The following IGF1R variants were observed in gnomAD, a reference collection of about 807,000 sequenced individuals.
IGF1R encodes insulin like growth factor 1 receptor.
A neutral mutation model predicts 144.6 loss-of-function variants in IGF1R; 44 were observed. The observed-to-expected ratio is 0.30, with a 90% CI of 0.24 to 0.39. The LOEUF is 0.39. Among genes scored for constraint, IGF1R ranks in the 10% least tolerant of loss-of-function variants. IGF1R has a pLI of 1.00. For synonymous variants in IGF1R, 795 were observed against 722.8 expected, an observed-to-expected ratio of 1.10 and a Z score of -1.60; for missense variants, 1,355 against 1,833.7, an observed-to-expected ratio of 0.74 and a Z score of 4.77.
chr15:98,957,366 G>T lies in IGF1R; in HGVS notation c.4028G>T (p.Arg1343Ile), dbSNP rs745531890. The T allele has an allele frequency of 5.9e-5, 95 of 1,612,592 alleles. No individual in the cohort carries two copies. The highest frequency in any genetic ancestry group is 8.1e-5 in the Non-Finnish European group (95 of 1,179,302). ...GTCCTCCGCGCCAGCTTCGACGAGAGACAGCCTTACGCCCACATGAACGGG... is the reference window on the plus strand; with the variant it reads ...GTCCTCCGCGCCAGCTTCGACGAGATACAGCCTTACGCCCACATGAACGGG... ...VLVLRASFDE[R>I]QPYAHMNGGR... The change falls in exon 21 of 21, where the codon AGA becomes ATA. Residue 1343 changes from arginine to isoleucine, a missense_variant. Arg to Ile is a moderately conservative substitution (Grantham distance 97). Around this residue, in one of 7 missense-constraint regions of IGF1R, gnomAD observed 219 missense variants for 188.8 expected, o/e 1.16. Transcript: ENST00000650285.
chr15:98,813,926 C>T (rs1273117464), intron 2 of IGF1R, among the ~76,000 whole-genome samples: 1 of 152,192 alleles, frequency 6.6e-6, no homozygotes. Context: ...GAGAAAATAA[C>T]AATGACTGTC....
chr15:98,875,922 A>C (rs1250249784), intron 2 of IGF1R, among the ~76,000 whole-genome samples: 1 of 152,166 alleles, frequency 6.6e-6, no homozygotes, highest in Non-Finnish European at 1.5e-5. Flanking sequence ...CTGAAGGGAA[A>C]GCCCTTGAAT....
chr15:98,682,882 T>A (rs1488623390), intron 1 of IGF1R, among the ~76,000 whole-genome samples: 2 of 152,022 alleles, frequency 1.3e-5, no homozygotes, highest in Non-Finnish European at 2.9e-5. Context: ...CTGTCTTATT[T>A]GGGTCTCAAA....
chr15:98,755,975 A>G (rs2055145810), intron 2 of IGF1R, among the ~76,000 whole-genome samples: 1 of 152,080 alleles, frequency 6.6e-6, no homozygotes, highest in Non-Finnish European at 1.5e-5. Context: ...CGTTGATTAG[A>G]TTTCCCAATA....
chr15:98,784,209 A>G (rs2055931917), intron 2 of IGF1R, among the ~76,000 whole-genome samples: 1 of 151,948 alleles, frequency 6.6e-6, no homozygotes, highest in Non-Finnish European at 1.5e-5. Flanking sequence ...TGCTGGGATT[A>G]CAGGCGTGAG....
At position 98,891,214 on chromosome 15, in the gene IGF1R, G is replaced by T; in HGVS notation, c.641-111G>T. On this transcript the variant is annotated intron_variant, in intron 2 of 20. Transcript: ENST00000650285. The surrounding 1 kb of genome is among the most constrained non-coding windows in gnomAD (Gnocchi z 4.7). ...TTTTTGCATTGTCTCCTCAATGAGT[G>T]ATCTGGTGCTGGTGGTAGCAGTGAA... The T allele has an allele frequency of 1.0e-6, 1 of 955,600 alleles. No homozygotes were observed. Among genetic ancestry groups the T allele is most frequent in the Non-Finnish European group, 1.6e-6 (1 of 615,548 alleles). 59.2% of individuals were successfully genotyped at this position (955,600 alleles called of 1,614,324 possible).
chr15:98,843,576 AT>A, intron 2 of IGF1R, among the ~76,000 whole-genome samples: 1 of 152,286 alleles, frequency 6.6e-6, no homozygotes, highest in South Asian at 2.1e-4. Context: ...TTTTTAAAAT[AT>A]TTTAAAATCT....
chr15:98,920,013 C>G (rs1433774824), intron 10 of IGF1R, among the ~76,000 whole-genome samples: 1 of 152,202 alleles, frequency 6.6e-6, no homozygotes, highest in Non-Finnish European at 1.5e-5. Flanking sequence ...GTAAAACTTA[C>G]TAGTTTCTGA....
At chr15:98,849,043 A>T (rs2011447778) in intron 2 of IGF1R, among the ~76,000 whole-genome samples, 1 of 152,136 alleles carries the variant, frequency 6.6e-6, no homozygotes, top group Non-Finnish European at 1.5e-5. Flanking sequence ...AATACAACAG[A>T]TTTTTTTCTT....
chr15:98,799,808 G>GC (rs138536677), intron 2 of IGF1R, among the ~76,000 whole-genome samples: 3,750 of 152,194 alleles, frequency 0.025, 159 homozygotes, highest in African/African-American at 0.085. Context: ...CCCTCCACCT[G>GC]CCCCCCTTCA....
chr15:98,740,040 A>G (rs760304186), intron 2 of IGF1R, among the ~76,000 whole-genome samples: 4 of 152,206 alleles, frequency 2.6e-5, no homozygotes, highest in Non-Finnish European at 5.9e-5. Context: ...CTGCGTGTTG[A>G]CGACTGCTCA....
intron 17 of IGF1R, among the ~76,000 whole-genome samples, chr15:98,937,505 G>T (rs761348701): frequency 6.6e-6 from 1 of 152,114 alleles, no homozygotes; most frequent in Admixed American, 6.5e-5. Context: ...CCTTTAGATT[G>T]GTCAGATTTA....
chr15:98,795,009 G>A (rs2056205860), intron 2 of IGF1R, among the ~76,000 whole-genome samples: 1 of 152,186 alleles, frequency 6.6e-6, no homozygotes, highest in African/African-American at 2.4e-5. Flanking sequence ...CAGAAGGCAC[G>A]GATGTTTCCC....
At chr15:98,830,866 A>C (rs898655748) in intron 2 of IGF1R, among the ~76,000 whole-genome samples, 10 of 152,140 alleles carry the variant, frequency 6.6e-5, no homozygotes, top group Non-Finnish European at 1.3e-4. Context: ...GGCTTCCCAA[A>C]GTGCTGGGAT....
chr15:98,679,366 T>C (rs4426332), intron 1 of IGF1R, among the ~76,000 whole-genome samples: 137,442 of 152,252 alleles, frequency 0.9, 62,365 homozygotes, highest in Middle Eastern at 0.96. Context: ...CTTGATTAGA[T>C]CTGCCAGAGC....
intron 9 of IGF1R, 39 bp downstream of exon 9, chr15:98,916,170 G>A (rs372494502): frequency 2.8e-5 from 45 of 1,598,736 alleles, no homozygotes; most frequent in African/African-American, 1.3e-4. Context: ...GGGTGTGACC[G>A]TTCATTCCTG....
At chr15:98,731,667 C>T (rs1203314161) in intron 2 of IGF1R, among the ~76,000 whole-genome samples, 1 of 152,146 alleles carries the variant, frequency 6.6e-6, no homozygotes, top group African/African-American at 2.4e-5. Context: ...GGACAGTGCA[C>T]CCTTTGGGCT....
intron 2 of IGF1R, among the ~76,000 whole-genome samples, chr15:98,815,314 T>C (rs1395844037): frequency 6.6e-6 from 1 of 152,236 alleles, no homozygotes; most frequent in Admixed American, 6.5e-5. Flanking sequence ...GAGTTGCTCC[T>C]ATTCCTGGTG....
At chr15:98,944,348 A>G (rs2016475098) in intron 19 of IGF1R, among the ~76,000 whole-genome samples, 1 of 152,244 alleles carries the variant, frequency 6.6e-6, no homozygotes, top group African/African-American at 2.4e-5. Flanking sequence ...AATTCTGTCC[A>G]TTTGGCTACA....
Sources: allele counts gnomAD v4.1 joint callset (sites outside exome capture counted in the v4.1 genomes callset), GRCh38; gene constraint gnomAD v4.1.1; regional missense constraint gnomAD v4.1.1; non-coding constraint Gnocchi (gnomAD v3.1); transcripts MANE v1.5; gene names NCBI Gene and HGNC (gene_info 2026-07-23, HGNC 2026-07-21).